Variants in TAOK1 observed in about 807,000 individuals in gnomAD.
The protein encoded by TAOK1 is TAO kinase 1.
TAOK1 carries 21 observed loss-of-function variants against 138.3 expected under a neutral mutation model. The ratio of observed to expected loss-of-function variants is 0.15; its 90% confidence interval spans 0.11 to 0.22. The LOEUF is 0.22. Among genes scored for constraint, TAOK1 ranks in the 10% least tolerant of loss-of-function variants. TAOK1 has a pLI of 1.00. For synonymous variants in TAOK1, 361 were observed against 398.4 expected (o/e 0.91, Z 1.12); for missense variants, 651 against 1,227.7 (o/e 0.53, Z 7.02).
chr17:29,467,248 CTTA>C lies in TAOK1; in HGVS notation c.204+34_204+36del, dbSNP rs1409348036. On this transcript the variant is annotated intron_variant, in intron 3 of 19. Coordinates refer to ENST00000261716, the MANE Select transcript of TAOK1 (RefSeq NM_020791.4). ...TAAATATGTACATTCTTGTTTTTTT[CTTA>C]TATTTATCTCAGAATAAATATATAC... 3.7e-6 allele frequency: 5 copies of C among 1,360,328 alleles called. No homozygotes were observed. The Admixed American group carries it at 1.0e-4, about 27-fold the overall frequency. The allele number at this position is 1,360,328 out of a possible 1,614,324, so 84.3% of individuals were successfully genotyped here.
chr17:29,441,575 A>G (rs1287122457), intron 1 of TAOK1, among the ~76,000 whole-genome samples: 1 of 152,078 alleles, frequency 6.6e-6, no homozygotes, highest in East Asian at 1.9e-4. Flanking sequence ...TATTATTCTC[A>G]TATCCTTTTT....
At chr17:29,519,303 G>A (rs2031874672) in intron 16 of TAOK1, among the ~76,000 whole-genome samples, 1 of 152,018 alleles carries the variant, frequency 6.6e-6, no homozygotes, top group South Asian at 2.1e-4. Flanking sequence ...TTGAGGTCAG[G>A]AGTTTGAGAC....
chr17:29,526,020 G>A (rs1481118781), intron 17 of TAOK1, among the ~76,000 whole-genome samples: 7 of 152,136 alleles, frequency 4.6e-5, no homozygotes, highest in African/African-American at 7.2e-5. Flanking sequence ...ATGTCCGGGC[G>A]TGGTGGCTCA....
At chr17:29,508,650 A>G (rs1467284319) in intron 14 of TAOK1, among the ~76,000 whole-genome samples, 2 of 151,954 alleles carry the variant, frequency 1.3e-5, no homozygotes, top group Admixed American at 6.6e-5. Flanking sequence ...TCTTTTTTGT[A>G]TTTTTTGGAA....
chr17:29,407,864 A>G (rs1023402409), intron 1 of TAOK1, among the ~76,000 whole-genome samples: 4 of 151,510 alleles, frequency 2.6e-5, no homozygotes, highest in African/African-American at 9.7e-5. Context: ...TGTTAATAAC[A>G]TGTTTTGTTT....
rs543567416 is a variant in TAOK1 at position 29,397,839 on chromosome 17, A to G, written c.-95+6815A>G. On this transcript the variant is annotated intron_variant, in intron 1 of 19. Transcript: ENST00000261716. ...TGTATATACATGTATATATATGTGT[A>G]TATATATATATGTATGTCACCATTT... is the stretch of plus-strand genomic sequence containing the variant. 2.4e-3 allele frequency among the ~76,000 whole-genome samples: 351 copies of G among 145,392 alleles called. 1 individual carries two copies. Among genetic ancestry groups the G allele is most frequent in the African/African-American group, 7.2e-3 (275 of 38,456 alleles).
chr17:29,400,933 C>T (rs1181661449), intron 1 of TAOK1, among the ~76,000 whole-genome samples: 14 of 127,898 alleles, frequency 1.1e-4, no homozygotes, highest in African/African-American at 4.2e-4. Flanking sequence ...TTTTTGATGC[C>T]AGGGTCTTGC....
At chr17:29,496,618 T>C (rs1276394952) in intron 11 of TAOK1, among the ~76,000 whole-genome samples, 25 of 144,118 alleles carry the variant, frequency 1.7e-4, no homozygotes, top group South Asian at 1.1e-3. Context: ...GACAGGGTCT[T>C]GCTCTGTAGC....
At chr17:29,470,174 T>TA (rs1181784731) in intron 3 of TAOK1, among the ~76,000 whole-genome samples, 1 of 152,214 alleles carries the variant, frequency 6.6e-6, no homozygotes, top group Non-Finnish European at 1.5e-5. Context: ...TCTGTATTTT[T>TA]AGAGTTCTTG....
At chr17:29,524,833 A>G (rs138877774) in intron 17 of TAOK1, among the ~76,000 whole-genome samples, 2 of 152,072 alleles carry the variant, frequency 1.3e-5, no homozygotes, top group African/African-American at 2.4e-5. Context: ...TGCTGTTTCT[A>G]TGGAAAGGGT....
rs569459642 is a variant in TAOK1, at chr17:29,513,128, C to T, written c.1704+2136C>T. On this transcript the variant is annotated intron_variant, in intron 15 of 19. Coordinates refer to ENST00000261716, the MANE Select transcript of TAOK1 (RefSeq NM_020791.4). ...AATTAATTAGCATACTGTGATACAT[C>T]GATTGATTTTGATAAAATAAGTATA... 7.9e-5 allele frequency: 10 copies of T among 125,834 alleles called. No individual in the cohort carries two copies. In the South Asian group the frequency reaches 1.3e-3, roughly 16 times the overall value. 7.8% of individuals were successfully genotyped at this position (125,834 alleles called of 1,614,324 possible). A position where few individuals can be genotyped will look rare whatever the true frequency, so the allele number is the denominator to read the frequency against.
At chr17:29,458,059 G>A (rs934751071) in intron 2 of TAOK1, among the ~76,000 whole-genome samples, 5 of 151,620 alleles carry the variant, frequency 3.3e-5, no homozygotes, top group African/African-American at 4.9e-5. Context: ...GCAGTGAGCC[G>A]AGATTGCGCC....
chr17:29,435,988 G>A (rs1906017336), intron 1 of TAOK1, among the ~76,000 whole-genome samples: 1 of 152,106 alleles, frequency 6.6e-6, no homozygotes, highest in African/African-American at 2.4e-5. Context: ...AAATTAGCTG[G>A]GCGTGGTGGC....
intron 1 of TAOK1, among the ~76,000 whole-genome samples, chr17:29,432,282 G>GCTC (rs967086339): frequency 6.6e-6 from 1 of 152,244 alleles, no homozygotes; most frequent in Non-Finnish European, 1.5e-5. Context: ...GTTATCTGCA[G>GCTC]CAGGAGCATG....
In TAOK1 at chr17:29,542,926, G is replaced by C. The variant is rs774747082; in HGVS notation, c.2910G>C (p.Arg970Ser). The change falls in exon 20 of 20, where the codon AGG (arginine) becomes AGC (serine). Residue 970 changes from arginine (R) to serine (S), a missense_variant. By Grantham distance (110) the Arg-to-Ser change is moderately radical. Coordinates refer to ENST00000261716, the MANE Select transcript of TAOK1 (RefSeq NM_020791.4). Reference sequence around the variant, plus strand: ...TCCGCAATAGCCCCCAGGCTCTGAGGCGGACAGCTTCTGGGGGACGGACGG... The same window carrying C: ...TCCGCAATAGCCCCCAGGCTCTGAGCCGGACAGCTTCTGGGGGACGGACGG... ...MGVRNSPQAL[R>S]RTASGGRTEQ... 1 of 1,613,776 alleles carries C rather than the reference G, an allele frequency of 6.2e-7. No individual in the cohort carries two copies. Among genetic ancestry groups the C allele is most frequent in the Non-Finnish European group, 8.5e-7 (1 of 1,179,974 alleles).
At chr17:29,481,972 A>T (rs1280729449) in intron 7 of TAOK1, among the ~76,000 whole-genome samples, 1 of 152,078 alleles carries the variant, frequency 6.6e-6, no homozygotes, top group Admixed American at 6.6e-5. Flanking sequence ...AAAAATAAAT[A>T]AATACAATAA....
chr17:29,507,980 C>A lies in TAOK1; in HGVS notation c.1423C>A (p.Gln475Lys). The A allele has an allele frequency of 6.2e-7, 1 of 1,614,058 alleles. No individual in the cohort carries two copies. The highest frequency in any genetic ancestry group is 8.5e-7 in the Non-Finnish European group (1 of 1,179,980). ...SGYKRMRRQH[Q>K]KQLMTLENKL... Reference sequence around the variant, plus strand: ...CTATAAGCGAATGAGGCGACAACATCAAAAGCAACTGATGACTCTGGAAAA... The same window carrying A: ...CTATAAGCGAATGAGGCGACAACATAAAAAGCAACTGATGACTCTGGAAAA... The change falls in exon 14 of 20, where the codon CAA (glutamine) becomes AAA (lysine). Residue 475 changes from glutamine (Q) to lysine (K), a missense_variant. Coordinates refer to ENST00000261716, the MANE Select transcript of TAOK1 (RefSeq NM_020791.4).
chr17:29,498,566 T>C lies in TAOK1; in HGVS notation c.1203+45T>C. 3 of 1,594,118 alleles carry C rather than the reference T, an allele frequency of 1.9e-6. 1 individual carries two copies. The stretch of plus-strand genomic sequence containing the variant: ...TGAAAGAAATTCAATGTTGGTAAAC[T>C]GTTTTCTTCATCTGTTAGTTTAAGA... On this transcript the variant is annotated intron_variant, in intron 12 of 19. Coordinates refer to ENST00000261716, the MANE Select transcript of TAOK1 (RefSeq NM_020791.4).
intron 8 of TAOK1, among the ~76,000 whole-genome samples, chr17:29,485,066 G>C (rs1181375136): frequency 6.6e-6 from 1 of 152,128 alleles, no homozygotes; most frequent in African/African-American, 2.4e-5. Flanking sequence ...ACATAGTTGT[G>C]AATAGATATG....
Sources: allele counts gnomAD v4.1 joint callset (sites outside exome capture counted in the v4.1 genomes callset), GRCh38; gene constraint gnomAD v4.1.1; transcripts MANE v1.5; gene names NCBI Gene and HGNC (gene_info 2026-07-23, HGNC 2026-07-21).